RAD51B: variants seen among roughly 807,000 people sequenced by gnomAD.
The protein encoded by RAD51B is DNA repair protein RAD51 homolog 2.
Under a neutral mutation model 42.2 loss-of-function variants are expected in RAD51B, and 38 were observed. The observed-to-expected ratio is 0.90, with a 90% CI of 0.70 to 1.18. The LOEUF is 1.18. RAD51B is among the 50% of genes most tolerant of loss of function. The pLI is 0.00. For synonymous variants in RAD51B, 154 were observed against 145.2 expected, an observed-to-expected ratio of 1.06 and a Z score of -0.43; for missense variants, 373 against 400.7, an observed-to-expected ratio of 0.93 and a Z score of 0.59.
At chr14:68,666,557 C>T (rs1002685585) in intron 11 of RAD51B, among the ~76,000 whole-genome samples, 5 of 152,128 alleles carry the variant, frequency 3.3e-5, no homozygotes, top group Non-Finnish European at 5.9e-5. Flanking sequence ...GAACCCCAGG[C>T]AGGAAGTTCC....
rs2043775678 is a variant in RAD51B, at chr14:67,906,152, A to T, written c.756+18948A>T. Reference sequence around the variant, plus strand: ...AGCCTTTTCTGTGTCTGTTGAGTTGATCATGTGGTTTTTGTTTTTAGTTTT... The same window carrying T: ...AGCCTTTTCTGTGTCTGTTGAGTTGTTCATGTGGTTTTTGTTTTTAGTTTT... On this transcript the variant is annotated intron_variant, in intron 7 of 10. Coordinates refer to ENST00000471583, the MANE Select transcript of RAD51B (RefSeq NM_133510.4). Among the ~76,000 whole-genome samples the T allele has an allele frequency of 6.6e-5, 10 of 152,170 alleles. No homozygotes were observed. The South Asian group carries it at 2.1e-3, about 32-fold the overall frequency.
intron 7 of RAD51B, among the ~76,000 whole-genome samples, chr14:67,949,448 C>A (rs1462182340): frequency 2.0e-5 from 3 of 152,202 alleles, no homozygotes; most frequent in Non-Finnish European, 4.4e-5. Flanking sequence ...GAGATTGTAA[C>A]AATTCAGTCA....
chr14:68,190,215 T>A (rs1001508355), intron 7 of RAD51B, among the ~76,000 whole-genome samples: 4 of 152,148 alleles, frequency 2.6e-5, no homozygotes, highest in Non-Finnish European at 4.4e-5. Flanking sequence ...AAGATAATCC[T>A]GAAATCAATA....
chr14:68,513,867 C>T (rs1448750167), intron 10 of RAD51B, among the ~76,000 whole-genome samples: 1 of 152,186 alleles, frequency 6.6e-6, no homozygotes, highest in Non-Finnish European at 1.5e-5. Context: ...ATTTCAAGGG[C>T]TGAATAGCAA....
chr14:68,200,336 C>T (rs2079456963), intron 7 of RAD51B, among the ~76,000 whole-genome samples: 1 of 152,174 alleles, frequency 6.6e-6, no homozygotes. Flanking sequence ...TCTTACCTCT[C>T]TTTGAAAAGA....
chr14:68,194,077 CT>C (rs571903141), intron 7 of RAD51B, among the ~76,000 whole-genome samples: 11 of 152,206 alleles, frequency 7.2e-5, no homozygotes, highest in Non-Finnish European at 1.2e-4. Flanking sequence ...ATGAGTTACA[CT>C]TTTTTCCTTT....
chr14:68,440,733 C>T lies in RAD51B; in HGVS notation c.958-27439C>T, dbSNP rs148328230. ...TGCATTCCAGCCTGGGCAACAAGAG[C>T]GAAACTCCATCTCAAAAAAAAAAGA... On this transcript the variant is annotated intron_variant, in intron 9 of 10. Coordinates refer to ENST00000471583, the MANE Select transcript of RAD51B (RefSeq NM_133510.4). Among the ~76,000 whole-genome samples, 459 of 149,850 alleles carry T rather than the reference C, an allele frequency of 3.1e-3. 2 individuals are homozygous for T. The highest frequency in any genetic ancestry group is 0.011 in the African/African-American group (427 of 40,036).
chr14:67,940,054 A>ATTTTT (rs1170220269), intron 7 of RAD51B, among the ~76,000 whole-genome samples: 1 of 14,546 alleles, frequency 6.9e-5, no homozygotes, highest in African/African-American at 2.3e-4. Flanking sequence ...ATATATATAT[A>ATTTTT]TTTTTTTTTT....
At chr14:68,617,750 T>C (rs547749825) in intron 10 of RAD51B, among the ~76,000 whole-genome samples, 1 of 152,366 alleles carries the variant, frequency 6.6e-6, no homozygotes, top group South Asian at 2.1e-4. Context: ...GTCATAGTTC[T>C]GCACTGTGTG....
chr14:68,087,608 C>T (rs2077004375), intron 7 of RAD51B, among the ~76,000 whole-genome samples: 1 of 151,530 alleles, frequency 6.6e-6, no homozygotes, highest in Non-Finnish European at 1.5e-5. Flanking sequence ...AAATCTGGCT[C>T]CATCGGTGAT....
At chr14:68,028,316 C>T (rs1238424104) in intron 7 of RAD51B, among the ~76,000 whole-genome samples, 1 of 152,222 alleles carries the variant, frequency 6.6e-6, no homozygotes, top group Non-Finnish European at 1.5e-5. Context: ...ACCATGCCTG[C>T]CTTTCTTTTG....
In RAD51B at chr14:68,092,941, G is replaced by T. The variant is rs574023428; in HGVS notation, c.757-198943G>T. On this transcript the variant is annotated intron_variant, in intron 7 of 10. Transcript: ENST00000471583. ...TTGAATTTTGTCAAAGGCTTTTTCT[G>T]CATCTATTGAGATAATCATGTGGTT... Among the ~76,000 whole-genome samples the T allele has an allele frequency of 1.5e-4, 23 of 150,110 alleles. 1 individual carries two copies. In the South Asian group the frequency reaches 4.5e-3, roughly 29 times the overall value.
chr14:68,426,046 T>TTCTC (rs1221192647), intron 9 of RAD51B, among the ~76,000 whole-genome samples: 2 of 148,806 alleles, frequency 1.3e-5, no homozygotes, highest in South Asian at 4.3e-4. Flanking sequence ...CTTTCTCTCT[T>TTCTC]TCTCTCTCTC....
chr14:68,294,934 G>A (rs957407605), intron 8 of RAD51B, among the ~76,000 whole-genome samples: 5 of 152,200 alleles, frequency 3.3e-5, no homozygotes, highest in African/African-American at 1.2e-4. Flanking sequence ...AAAATCAGAA[G>A]TGTGTGCAAA....
intron 9 of RAD51B, among the ~76,000 whole-genome samples, chr14:68,450,353 G>T (rs983681818): frequency 2.6e-5 from 4 of 152,012 alleles, no homozygotes; most frequent in Non-Finnish European, 4.4e-5. Flanking sequence ...CGAGTAGCTG[G>T]GAATACCCAA....
At chr14:68,604,053 G>T (rs2140097982) in intron 10 of RAD51B, among the ~76,000 whole-genome samples, 1 of 152,360 alleles carries the variant, frequency 6.6e-6, no homozygotes, top group Admixed American at 6.5e-5. Flanking sequence ...CGCCAGGATT[G>T]CTGGCTGCTG....
chr14:68,428,288 G>A (rs915693102), intron 9 of RAD51B, among the ~76,000 whole-genome samples: 2 of 152,110 alleles, frequency 1.3e-5, no homozygotes, highest in Admixed American at 1.3e-4. Context: ...TCCTTTGTGT[G>A]TCCTCTAGCC....
intron 7 of RAD51B, among the ~76,000 whole-genome samples, chr14:68,187,463 G>A (rs1038552365): frequency 1.8e-4 from 27 of 152,196 alleles, no homozygotes; most frequent in African/African-American, 6.5e-4. Flanking sequence ...CCACATGGAA[G>A]TGCTTATTTT....
At chr14:68,199,002 C>T (rs1456764898) in intron 7 of RAD51B, among the ~76,000 whole-genome samples, 1 of 152,140 alleles carries the variant, frequency 6.6e-6, no homozygotes, top group African/African-American at 2.4e-5. Flanking sequence ...TGAGTTTGCC[C>T]TCTCTCCTAC....
Sources: gnomAD v4.1 joint callset for allele counts (sites outside exome capture counted in the v4.1 genomes callset) on GRCh38, gnomAD v4.1.1 for gene constraint, MANE v1.5 for transcripts, NCBI Gene and HGNC (gene_info 2026-07-23, HGNC 2026-07-21) for gene names.